MS4A1: variants seen among roughly 807,000 people sequenced by gnomAD.
The protein encoded by MS4A1 is membrane spanning 4-domains A1, also known as B-lymphocyte antigen CD20.
Under a neutral mutation model 26.5 loss-of-function variants are expected in MS4A1, and 16 were observed. The observed-to-expected ratio is 0.60, with a 90% CI of 0.41 to 0.92. The LOEUF is 0.92. Ranked by LOEUF, MS4A1 falls within the 40% of genes least tolerant of loss-of-function variation. MS4A1 has a pLI of 0.00. For synonymous variants in MS4A1, 128 were observed against 117.6 expected, an observed-to-expected ratio of 1.09 and a Z score of -0.57; for missense variants, 350 against 353.0, an observed-to-expected ratio of 0.99 and a Z score of 0.07.
At chr11:60,464,935 T>C (rs1165361611) in intron 5 of MS4A1, among the ~76,000 whole-genome samples, 1 of 152,214 alleles carries the variant, frequency 6.6e-6, no homozygotes, top group East Asian at 1.9e-4. Flanking sequence ...CTGCTGATGC[T>C]GTATGGATGA....
intron 5 of MS4A1, among the ~76,000 whole-genome samples, chr11:60,465,409 C>T (rs1239468275): frequency 6.6e-6 from 1 of 152,148 alleles, no homozygotes; most frequent in Non-Finnish European, 1.5e-5. Context: ...GTTGCTTCTG[C>T]TTTTTTTATT....
chr11:60,466,247 C>G, intron 6 of MS4A1, 90 bp downstream of exon 6: 1 of 1,063,472 alleles, frequency 9.4e-7, no homozygotes, highest in Non-Finnish European at 1.5e-6. Flanking sequence ...GGATCCAGAC[C>G]ACCTGAGTTT....
At chr11:60,467,964 T>A (rs77912993) in intron 7 of MS4A1, among the ~76,000 whole-genome samples, 2,203 of 152,192 alleles carry the variant, frequency 0.014, 52 homozygotes, top group African/African-American at 0.049. Flanking sequence ...AGAACGAAAA[T>A]CTAAACTCCT....
intron 7 of MS4A1, among the ~76,000 whole-genome samples, chr11:60,467,651 G>A (rs1448366245): frequency 6.9e-6 from 1 of 145,274 alleles, no homozygotes; most frequent in Non-Finnish European, 1.5e-5. Context: ...TCCATATACA[G>A]TGTGTAAAAG....
intron 6 of MS4A1, chr11:60,466,474 T>C (rs2086292628): frequency 2.5e-6 from 1 of 393,616 alleles, no homozygotes; most frequent in Non-Finnish European, 4.7e-6. Context: ...ACATCATTAA[T>C]GGCATTAATA....
chr11:60,460,130 C>G (rs995859707), intron 1 of MS4A1, among the ~76,000 whole-genome samples: 1 of 152,054 alleles, frequency 6.6e-6, no homozygotes, highest in African/African-American at 2.4e-5. Context: ...CCCGTGGTCC[C>G]AGCTACTCCA....
rs998305033 is a variant in MS4A1, at chr11:60,457,180, T to A, written c.-280+1235T>A. 1.7e-4 allele frequency among the ~76,000 whole-genome samples: 26 copies of A among 152,082 alleles called. 1 individual carries two copies. Among genetic ancestry groups the A allele is most frequent in the African/African-American group, 5.8e-4 (24 of 41,464 alleles). ...TGTGCATATCTAATGCAGAGTTTGATTGAAAGTAAAGAGGGAGGGAGAAGG... is the reference window on the plus strand; with the variant it reads ...TGTGCATATCTAATGCAGAGTTTGAATGAAAGTAAAGAGGGAGGGAGAAGG... On this transcript the variant is annotated intron_variant, in intron 1 of 7. Transcript: ENST00000345732.
At chr11:60,463,856 A>T in intron 4 of MS4A1, 1 of 445,284 alleles carries the variant, frequency 2.2e-6, no homozygotes, top group Non-Finnish European at 4.6e-6. Context: ...CAGGTCAAGT[A>T]TTTCCTTCTG....
intron 1 of MS4A1, among the ~76,000 whole-genome samples, chr11:60,459,365 T>A (rs1326402346): frequency 6.6e-6 from 1 of 152,168 alleles, no homozygotes; most frequent in South Asian, 2.1e-4. Flanking sequence ...ATATACAATA[T>A]CTCTAGTATA....
In MS4A1 at chr11:60,470,162, CT is replaced by C. The variant is rs2086331936; in HGVS notation, c.*1695del. 6.6e-6 allele frequency: 1 copy of C among 151,944 alleles called. No homozygotes were observed. Among genetic ancestry groups the C allele is most frequent in the Non-Finnish European group, 1.5e-5 (1 of 67,896 alleles). The allele number at this position is 151,944 out of a possible 1,614,324, so 9.4% of individuals were successfully genotyped here. The stretch of plus-strand genomic sequence containing the variant: ...GAGTTGATATTTATACAACCCAAAT[CT>C]AGGTTTGAACGGTGAGGTGTCAGGT... On this transcript the variant is annotated 3_prime_UTR_variant, in exon 8 of 8. Transcript: ENST00000345732.
chr11:60,459,821 C>T (rs2086233754), intron 1 of MS4A1, among the ~76,000 whole-genome samples: 1 of 152,146 alleles, frequency 6.6e-6, no homozygotes, highest in Non-Finnish European at 1.5e-5. Context: ...GATTTATAGT[C>T]ATTCACATAG....
At chr11:60,458,908 A>G (rs1280983114) in intron 1 of MS4A1, among the ~76,000 whole-genome samples, 2 of 152,206 alleles carry the variant, frequency 1.3e-5, no homozygotes, top group Non-Finnish European at 2.9e-5. Flanking sequence ...ACTATTTTAT[A>G]CAAATATTTG....
chr11:60,469,184 A>G lies in MS4A1; in HGVS notation c.*716A>G, dbSNP rs369570028. 1 of 152,312 alleles carries G rather than the reference A, an allele frequency of 6.6e-6. No homozygotes were observed. Among genetic ancestry groups the G allele is most frequent in the Non-Finnish European group, 1.5e-5 (1 of 68,006 alleles). The allele number at this position is 152,312 out of a possible 1,614,324, so 9.4% of individuals were successfully genotyped here. The stretch of plus-strand genomic sequence containing the variant: ...CATTATGCGAGAAAAGAAAAAAATG[A>G]CCATAGAAAATGCCACCATGAGGTG... On this transcript the variant is annotated 3_prime_UTR_variant, in exon 8 of 8. Transcript: ENST00000345732.
chr11:60,456,509 CT>C (rs1378641212), intron 1 of MS4A1, among the ~76,000 whole-genome samples: 1 of 152,154 alleles, frequency 6.6e-6, no homozygotes, highest in Non-Finnish European at 1.5e-5. Context: ...GCTTTACAGG[CT>C]AACATTTTCT....
At chr11:60,466,879 C>A in intron 6 of MS4A1, 80 bp from the exon 7 acceptor site, 2 of 1,354,882 alleles carry the variant, frequency 1.5e-6, no homozygotes, top group Non-Finnish European at 2.1e-6. Context: ...CAATTATAGT[C>A]AACAATAACT....
chr11:60,456,880 C>T (rs1196883012), intron 1 of MS4A1, among the ~76,000 whole-genome samples: 1 of 152,114 alleles, frequency 6.6e-6, no homozygotes, highest in Non-Finnish European at 1.5e-5. Flanking sequence ...ATCCACCTGC[C>T]TCGGCTTCCC....
intron 1 of MS4A1, among the ~76,000 whole-genome samples, chr11:60,459,890 C>G (rs1399949096): frequency 6.6e-6 from 1 of 152,136 alleles, no homozygotes. Flanking sequence ...TCCTATTTCT[C>G]ACAGGAGACA....
Position 60,469,830 on chromosome 11 carries a change from T to C in MS4A1, c.*1362T>C, listed in dbSNP as rs745871468. ...TTAACCTAGGGTGAAGTCACTATAA[T>C]CTGTAGTCTATTATTTGGGCATTTG... is the stretch of plus-strand genomic sequence containing the variant. On this transcript the variant is annotated 3_prime_UTR_variant, in exon 8 of 8. Transcript: ENST00000345732. 1 of 152,134 alleles carries C rather than the reference T, an allele frequency of 6.6e-6. No individual in the cohort carries two copies. Among genetic ancestry groups the C allele is most frequent in the Non-Finnish European group, 1.5e-5 (1 of 67,968 alleles). The allele number at this position is 152,134 out of a possible 1,614,324, so 9.4% of individuals were successfully genotyped here.
In MS4A1 at chr11:60,470,708, A is replaced by G. The variant is rs2086337526; in HGVS notation, c.*2240A>G. 6.6e-6 allele frequency: 1 copy of G among 152,166 alleles called. No individual in the cohort carries two copies. Among genetic ancestry groups the G allele is most frequent in the South Asian group, 2.1e-4 (1 of 4,828 alleles). The allele number at this position is 152,166 out of a possible 1,614,324, so 9.4% of individuals were successfully genotyped here. On this transcript the variant is annotated 3_prime_UTR_variant, in exon 8 of 8. Transcript: ENST00000345732. ...TCCCAATTTGCATTTTTGTAAAAATAATGTTGTATCCACAAAGGAAATAAA... is the reference window on the plus strand; with the variant it reads ...TCCCAATTTGCATTTTTGTAAAAATGATGTTGTATCCACAAAGGAAATAAA...
Sources: allele counts gnomAD v4.1 joint callset (sites outside exome capture counted in the v4.1 genomes callset), GRCh38; gene constraint gnomAD v4.1.1; transcripts MANE v1.5; gene names NCBI Gene and HGNC (gene_info 2026-07-23, HGNC 2026-07-21).